Variants in KLKB1 observed in about 807,000 individuals in gnomAD.
KLKB1 encodes plasma kallikrein.
Under a neutral mutation model 73.6 loss-of-function variants are expected in KLKB1, and 58 were observed. The ratio of observed to expected loss-of-function variants is 0.79; its 90% CI spans 0.64 to 0.98. The LOEUF (loss-of-function observed/expected upper bound fraction) is 0.98, where lower values mean the gene tolerates loss of function less well. Among genes scored for constraint, KLKB1 ranks in the 50% least tolerant of loss-of-function variants. The pLI, the probability that KLKB1 is intolerant of heterozygous loss-of-function variation, is 0.00. For synonymous variants in KLKB1, 280 were observed against 258.1 expected (o/e 1.08, Z -0.81); for missense variants, 737 against 763.8 (o/e 0.96, Z 0.41).
chr4:186,256,817 G>GGTGAT (rs1186610138), intron 13 of KLKB1, among the ~76,000 whole-genome samples: 2 of 152,180 alleles, frequency 1.3e-5, no homozygotes, highest in African/African-American at 2.4e-5. Context: ...GATTGTTGTA[G>GGTGAT]GTGATAAATA....
intron 6 of KLKB1, among the ~76,000 whole-genome samples, chr4:186,238,598 G>C (rs1169623691): frequency 1.3e-5 from 2 of 152,228 alleles, no homozygotes; most frequent in Non-Finnish European, 2.9e-5. Context: ...GAAAAAGAGA[G>C]AGGCGGAAGG....
At chr4:186,216,600 G>A (rs140627654) in intron 2 of KLKB1, among the ~76,000 whole-genome samples, 1 of 152,128 alleles carries the variant, frequency 6.6e-6, no homozygotes, top group Non-Finnish European at 1.5e-5. Context: ...CTCCATCCTG[G>A]CACGTGTCTA....
chr4:186,257,354 G>C lies in KLKB1; in HGVS notation c.1714G>C (p.Asp572His). ...TGCTGGCTATAAAGAAGGGGGAAAA[G>C]ATGCTTGTAAGGTAACTCATGAGAT... is the stretch of plus-strand genomic sequence containing the variant. ...VCAGYKEGGK[D>H]ACKGDSGGPL... is the part of the protein sequence containing the mutation. The change falls in exon 14 of 15, where the codon GAT (aspartate) becomes CAT (histidine). Residue 572 changes from aspartate to histidine, a missense_variant. Coordinates refer to ENST00000264690, the MANE Select transcript of KLKB1 (RefSeq NM_000892.5). The C allele has an allele frequency of 6.3e-7, 1 of 1,588,952 alleles. No individual in the cohort carries two copies. Among genetic ancestry groups the C allele is most frequent in the Non-Finnish European group, 8.6e-7 (1 of 1,166,734 alleles).
rs547469058 is a variant in KLKB1, at chr4:186,248,230, A to G, written c.599-2013A>G. Among the ~76,000 whole-genome samples the G allele has an allele frequency of 4.6e-5, 7 of 152,206 alleles. No homozygotes were observed. In the East Asian group the frequency reaches 1.4e-3, roughly 29 times the overall value. ...GCCACTGCACTCCAGCCTGGGCGAC[A>G]GAGCAAGACTCCATCTCACAAAAAA... On this transcript the variant is annotated intron_variant, in intron 6 of 14. Coordinates refer to ENST00000264690, the MANE Select transcript of KLKB1 (RefSeq NM_000892.5).
intron 6 of KLKB1, among the ~76,000 whole-genome samples, chr4:186,244,515 G>A (rs769502513): frequency 6.6e-5 from 10 of 152,214 alleles, no homozygotes; most frequent in Non-Finnish European, 1.2e-4. Context: ...TGCTGAGGCT[G>A]ACGGGTGTCA....
In KLKB1 at chr4:186,237,282, A is replaced by G. The variant is rs1293227829; in HGVS notation, c.488+342A>G. Among the ~76,000 whole-genome samples the G allele has an allele frequency of 2.6e-5, 4 of 152,140 alleles. No homozygotes were observed. In the South Asian group the frequency reaches 6.2e-4, roughly 24 times the overall value. On this transcript the variant is annotated intron_variant, in intron 5 of 14. Transcript: ENST00000264690. ...CCTGGCTAATTTTTGTATTTTTAGT[A>G]GAGTCGGGGTTTTACTATGTTGGTC...
At chr4:186,230,247 T>C (rs1043652703) in intron 2 of KLKB1, among the ~76,000 whole-genome samples, 3 of 152,220 alleles carry the variant, frequency 2.0e-5, no homozygotes, top group Admixed American at 6.5e-5. Context: ...TAATTTTTCA[T>C]TTTTGCTAAT....
intron 2 of KLKB1, among the ~76,000 whole-genome samples, chr4:186,217,462 A>C (rs1264482302): frequency 6.6e-6 from 1 of 152,186 alleles, no homozygotes; most frequent in Non-Finnish European, 1.5e-5. Context: ...CTTCCTTCTC[A>C]CCAGAAAATA....
In KLKB1 at chr4:186,257,299, A is replaced by C; in HGVS notation, c.1659A>C (p.Gln553His). Residue 553 changes from glutamine (Q) to histidine (H), a missense_variant, in exon 14 of 15, where the codon CAA becomes CAC. Transcript: ENST00000264690. ...VTNEECQKRYQDYKITQRMVC... is the reference protein window; with the variant it reads ...VTNEECQKRYHDYKITQRMVC... ...ATGAAGAATGCCAGAAAAGATATCA[A>C]GATTATAAAATAACCCAACGGATGG... is the stretch of plus-strand genomic sequence containing the variant. 1 of 1,604,434 alleles carries C rather than the reference A, an allele frequency of 6.2e-7. No homozygotes were observed. Among genetic ancestry groups the C allele is most frequent in the Non-Finnish European group, 8.5e-7 (1 of 1,173,698 alleles).
intron 4 of KLKB1, among the ~76,000 whole-genome samples, chr4:186,236,353 A>G (rs1438621802): frequency 1.3e-5 from 2 of 152,214 alleles, no homozygotes; most frequent in Non-Finnish European, 2.9e-5. Context: ...CAAAGAAATA[A>G]CACTGGGAGA....
intron 6 of KLKB1, among the ~76,000 whole-genome samples, chr4:186,249,644 A>G (rs1429125258): frequency 1.3e-5 from 2 of 152,244 alleles, no homozygotes; most frequent in African/African-American, 4.8e-5. Context: ...AATTTCTGCA[A>G]TAGAAAAGCA....
upstream of KLKB1, among the ~76,000 whole-genome samples, chr4:186,226,936 G>T (rs1579990094): frequency 6.6e-6 from 1 of 152,172 alleles, no homozygotes; most frequent in East Asian, 1.9e-4. Context: ...CCATCTTGGA[G>T]CCTGAAGCCC....
intron 14 of KLKB1, 103 bp downstream of exon 14, chr4:186,257,468 CAG>C (rs1580048310): frequency 2.0e-6 from 2 of 1,018,774 alleles, no homozygotes; most frequent in Non-Finnish European, 2.8e-6. Context: ...TAAAAAAATT[CAG>C]AGACAAATGA....
In KLKB1 at chr4:186,244,308, T is replaced by C. The variant is rs1738211485; in HGVS notation, c.599-5935T>C. On this transcript the variant is annotated intron_variant, in intron 6 of 14. Transcript: ENST00000264690. ...ATCCAAAGGCGGAAGTACTTAACCA[T>C]ACCTAGGAAGAAAAGGAGTTGTTTT... 3.3e-5 allele frequency among the ~76,000 whole-genome samples: 5 copies of C among 151,990 alleles called. No homozygotes were observed. The South Asian group carries it at 1.0e-3, about 32-fold the overall frequency.
In KLKB1 at chr4:186,232,137, T is replaced by G. The variant is rs764844498; in HGVS notation, c.69T>G (p.Thr23=). The G allele has an allele frequency of 1.2e-5, 19 of 1,611,314 alleles. No homozygotes were observed. Among genetic ancestry groups the G allele is most frequent in the Middle Eastern group, 1.7e-4 (1 of 6,058 alleles). The change falls in exon 3 of 15, where the codon ACT becomes ACG. Residue 23 remains threonine, a synonymous_variant. Coordinates refer to ENST00000264690, the MANE Select transcript of KLKB1 (RefSeq NM_000892.5). ...ATGGTTCTGTCACAGGATGTCTGAC[T>G]CAACTCTATGAAAACGCCTTCTTCA... ...LFATVSCGCL[T]QLYENAFFRG...
chr4:186,257,744 AGTGTGTGTGTGTGTGTGTGT>A (rs67371055), intron 14 of KLKB1, among the ~76,000 whole-genome samples: 3 of 147,104 alleles, frequency 2.0e-5, no homozygotes, highest in Non-Finnish European at 4.5e-5. Flanking sequence ...AGAAAGAGTG[AGTGTGTGTGTGTGTGTGTGT>A]GTGTGTGTGT....
At chr4:186,245,824 G>GTTTTTTTTTTTTTTTTTTTTTTTTTTTT (rs1402408736) in intron 6 of KLKB1, among the ~76,000 whole-genome samples, 1 of 109,994 alleles carries the variant, frequency 9.1e-6, no homozygotes. Context: ...TTGTTTTTTG[G>GTTTTTTTTTTTTTTTTTTTTTTTTTTTT]TTTTTTTTTT....
intron 4 of KLKB1, among the ~76,000 whole-genome samples, chr4:186,236,057 T>G (rs1737663099): frequency 7.0e-6 from 1 of 143,638 alleles, no homozygotes; most frequent in South Asian, 2.2e-4. Context: ...GAGCTTGCAG[T>G]GAGTCGAGAT....
At chr4:186,229,652 T>C (rs1511802) in intron 2 of KLKB1, among the ~76,000 whole-genome samples, 54,013 of 152,038 alleles carry the variant, frequency 0.36, 9,866 homozygotes, top group Non-Finnish European at 0.39. Flanking sequence ...GTTTACTCCA[T>C]AGTTGACTTT....
Sources: gnomAD v4.1 joint callset for allele counts (sites outside exome capture counted in the v4.1 genomes callset) on GRCh38, gnomAD v4.1.1 for gene constraint, MANE v1.5 for transcripts, NCBI Gene and HGNC (gene_info 2026-07-23, HGNC 2026-07-21) for gene names.